The following CCDC7 variants were observed in gnomAD, a reference collection of about 807,000 sequenced individuals.
CCDC7 encodes coiled-coil domain-containing protein 7.
A neutral mutation model predicts 196.9 loss-of-function variants in CCDC7; 183 were observed. That is an observed-to-expected ratio of 0.93 (90% CI 0.82 to 1.05). CCDC7 has a LOEUF of 1.05. CCDC7 is among the 50% of genes least tolerant of loss of function. The probability of loss-of-function intolerance (pLI) is 0.00; values close to 1 mark genes in which losing one functional copy is unlikely to be tolerated. For missense variants in CCDC7, 1,540 were observed against 1,482.2 expected (o/e 1.04, Z -0.64); for synonymous variants, 525 against 484.6 (o/e 1.08, Z -1.10).
intron 32 of CCDC7, among the ~76,000 whole-genome samples, chr10:32,831,886 A>G (rs2092221216): frequency 6.6e-6 from 1 of 152,206 alleles, no homozygotes; most frequent in East Asian, 1.9e-4. Flanking sequence ...TATAGCAAAT[A>G]TATAAAACAG....
intron 18 of CCDC7, among the ~76,000 whole-genome samples, chr10:32,631,508 A>G (rs1341529046): frequency 6.6e-6 from 1 of 152,140 alleles, no homozygotes; most frequent in African/African-American, 2.4e-5. Flanking sequence ...GCATTTATGT[A>G]TATGCCTTTG....
At chr10:32,689,115 G>C (rs2076784578) in exon 23 of CCDC7, 1 of 1,607,978 alleles carries the variant, frequency 6.2e-7, no homozygotes. Flanking sequence ...GTCAAAATCA[G>C]AAATGCAAGT....
intron 20 of CCDC7, among the ~76,000 whole-genome samples, chr10:32,640,764 A>G (rs984154685): frequency 7.9e-5 from 12 of 151,196 alleles, no homozygotes; most frequent in Admixed American, 2.0e-4. Flanking sequence ...TCCTTCACTT[A>G]TGAAGCTTAG....
intron 32 of CCDC7, among the ~76,000 whole-genome samples, chr10:32,829,538 T>A (rs2091874002): frequency 6.6e-6 from 1 of 152,260 alleles, no homozygotes. Flanking sequence ...TTAAGTATTG[T>A]TAACTTTAGG....
exon 25 of CCDC7, chr10:32,711,699 T>G: frequency 6.3e-7 from 1 of 1,587,608 alleles, no homozygotes; most frequent in Non-Finnish European, 8.6e-7. Context: ...AATTAGAGAT[T>G]CAAGAAACTT....
At chr10:32,618,074 T>C (rs1762550) in intron 18 of CCDC7, among the ~76,000 whole-genome samples, 151,534 of 152,044 alleles carry the variant, frequency 1, 75,514 homozygotes, top group Middle Eastern at 1. Flanking sequence ...CTTTGGTTTC[T>C]ATTTGCATGG....
intron 11 of CCDC7, among the ~76,000 whole-genome samples, chr10:32,540,710 T>C (rs1160315657): frequency 6.6e-6 from 1 of 152,232 alleles, no homozygotes; most frequent in Non-Finnish European, 1.5e-5. Flanking sequence ...CTCTTCTGGC[T>C]TGTAGGGTTT....
chr10:32,564,717 G>A (rs1396839009), intron 13 of CCDC7, among the ~76,000 whole-genome samples: 1 of 152,080 alleles, frequency 6.6e-6, no homozygotes, highest in Non-Finnish European at 1.5e-5. Context: ...ACGAGTTAAT[G>A]GGTGCAGCAC....
chr10:32,711,957 A>T lies in CCDC7; in HGVS notation c.2569+227A>T, dbSNP rs144302540. On this transcript the variant is annotated intron_variant, in intron 25 of 41. Transcript: ENST00000639629. ...AACTTAATTTATGCTCTCAGTATCC[A>T]TCTCAGGACAATAATAGGCCAATAA... Among the ~76,000 whole-genome samples, 9 of 152,346 alleles carry T rather than the reference A, an allele frequency of 5.9e-5. No homozygotes were observed. The East Asian group carries it at 1.7e-3, about 29-fold the overall frequency.
chr10:32,464,770 C>G (rs897460246), intron 5 of CCDC7, among the ~76,000 whole-genome samples: 6 of 152,184 alleles, frequency 3.9e-5, no homozygotes, highest in African/African-American at 1.2e-4. Flanking sequence ...CTCCGCCTCC[C>G]AAAGTGCTGG....
At chr10:32,674,828 C>A (rs951712156) in intron 21 of CCDC7, among the ~76,000 whole-genome samples, 1 of 151,958 alleles carries the variant, frequency 6.6e-6, no homozygotes, top group Admixed American at 6.6e-5. Flanking sequence ...GGTGAATTGA[C>A]CCTTTTATTT....
chr10:32,814,285 C>G, intron 30 of CCDC7, 85 bp from the exon 32 acceptor site: 1 of 942,166 alleles, frequency 1.1e-6, no homozygotes, highest in Non-Finnish European at 1.7e-6. Context: ...GTAACACACA[C>G]ACATATATGT....
chr10:32,541,298 C>T (rs1185346864), intron 11 of CCDC7, among the ~76,000 whole-genome samples: 1 of 151,520 alleles, frequency 6.6e-6, no homozygotes. Flanking sequence ...CATGAAGGTG[C>T]ACCCTCTCAC....
At chr10:32,520,476 T>C (rs1239178216) in intron 11 of CCDC7, among the ~76,000 whole-genome samples, 1 of 152,166 alleles carries the variant, frequency 6.6e-6, no homozygotes, top group Non-Finnish European at 1.5e-5. Context: ...TCAGTGATGT[T>C]GAGGGCCTTT....
At chr10:32,793,584 G>A (rs1436026271) in intron 29 of CCDC7, among the ~76,000 whole-genome samples, 1 of 152,044 alleles carries the variant, frequency 6.6e-6, no homozygotes, top group Non-Finnish European at 1.5e-5. Context: ...TACCACTTTT[G>A]CTGTATCCCA....
upstream of CCDC7, among the ~76,000 whole-genome samples, chr10:32,450,467 G>C (rs2032742973): frequency 6.6e-6 from 1 of 152,096 alleles, no homozygotes; most frequent in Admixed American, 6.5e-5. Flanking sequence ...ACATAACAAT[G>C]GGACAAGCCA....
rs534341891 is a variant in CCDC7 at position 32,708,523 on chromosome 10, A to C, written c.2459-3097A>C. On this transcript the variant is annotated intron_variant, in intron 24 of 41. Coordinates refer to ENST00000639629, the Ensembl canonical transcript of CCDC7. ...GCACAGCAAAAGAAACTACCATCAG[A>C]GTGAACAGGCAACCTACAGAATGGG... Among the ~76,000 whole-genome samples the C allele has an allele frequency of 5.9e-5, 9 of 152,382 alleles. No homozygotes were observed. In the South Asian group the frequency reaches 1.9e-3, roughly 32 times the overall value.
At chr10:32,674,282 T>G (rs2074558679) in intron 21 of CCDC7, among the ~76,000 whole-genome samples, 1 of 152,048 alleles carries the variant, frequency 6.6e-6, no homozygotes, top group Non-Finnish European at 1.5e-5. Context: ...ATATTTTAGT[T>G]TTGTGGATTT....
intron 11 of CCDC7, among the ~76,000 whole-genome samples, chr10:32,541,422 T>C (rs1022114114): frequency 5.3e-5 from 8 of 152,206 alleles, no homozygotes; most frequent in African/African-American, 1.9e-4. Flanking sequence ...GGGTATTTCC[T>C]GGGAAAACAG....
Sources: gnomAD v4.1 joint callset for allele counts (sites outside exome capture counted in the v4.1 genomes callset) on GRCh38, gnomAD v4.1.1 for gene constraint, MANE v1.5 for transcripts, NCBI Gene and HGNC (gene_info 2026-07-23, HGNC 2026-07-21) for gene names.